Variants in RBM33 observed in about 807,000 individuals in gnomAD.
RBM33 encodes RNA-binding protein 33.
RBM33 carries 28 observed loss-of-function variants against 132.6 expected under a neutral mutation model. That is an observed-to-expected ratio of 0.21 (90% CI 0.16 to 0.29). The LOEUF (loss-of-function observed/expected upper bound fraction) is 0.29, where lower values mean the gene tolerates loss of function less well. Among genes scored for constraint, RBM33 ranks in the 10% least tolerant of loss-of-function variants. The pLI is 1.00. For missense variants in RBM33, 1,291 were observed against 1,518.5 expected (o/e 0.85, Z 2.49); for synonymous variants, 634 against 593.0 (o/e 1.07, Z -1.01).
At chr7:155,704,741 C>G (rs1287008277) in intron 6 of RBM33, among the ~76,000 whole-genome samples, 2 of 152,062 alleles carry the variant, frequency 1.3e-5, no homozygotes, top group African/African-American at 4.8e-5. Flanking sequence ...GTTACATGTT[C>G]TTTTTTATTG....
rs562331343 is a variant in RBM33 at position 155,736,474 on chromosome 7, G to A, written c.1261-1056G>A. Among the ~76,000 whole-genome samples, 5 of 152,238 alleles carry A rather than the reference G, an allele frequency of 3.3e-5. No individual in the cohort carries two copies. In the South Asian group the frequency reaches 6.2e-4, roughly 19 times the overall value. Reference sequence around the variant, plus strand: ...TTTATGCTGCTGCCTAGGTCAATACGGTGGTTTAAAAAAATCTCCATGAAT... The same window carrying A: ...TTTATGCTGCTGCCTAGGTCAATACAGTGGTTTAAAAAAATCTCCATGAAT... On this transcript the variant is annotated intron_variant, in intron 9 of 17. Coordinates refer to ENST00000401878, the MANE Select transcript of RBM33 (RefSeq NM_053043.3).
intron 14 of RBM33, among the ~76,000 whole-genome samples, chr7:155,748,864 T>C (rs1222850006): frequency 6.6e-6 from 1 of 152,210 alleles, no homozygotes; most frequent in African/African-American, 2.4e-5. Context: ...CTTACACGAT[T>C]GTGTTGACTA....
At chr7:155,658,104 A>G (rs902968392) in intron 1 of RBM33, among the ~76,000 whole-genome samples, 4 of 151,918 alleles carry the variant, frequency 2.6e-5, no homozygotes, top group Non-Finnish European at 5.9e-5. Flanking sequence ...TTCTCCCTTC[A>G]TTTTTGTCAA....
chr7:155,648,503 C>T (rs6962301), intron 1 of RBM33, among the ~76,000 whole-genome samples: 5,701 of 152,114 alleles, frequency 0.037, 352 homozygotes, highest in African/African-American at 0.13. Context: ...GAAAGTGAAA[C>T]AAGTTTTAGT....
intron 9 of RBM33, among the ~76,000 whole-genome samples, chr7:155,733,698 G>C (rs1364167301): frequency 6.6e-6 from 1 of 152,216 alleles, no homozygotes; most frequent in African/African-American, 2.4e-5. Context: ...GTCAGTCACT[G>C]TACGGTAGGG....
rs769855958 is a variant in RBM33 at position 155,711,268 on chromosome 7, G to A, written c.1014G>A (p.Pro338=). The A allele has an allele frequency of 1.1e-5, 18 of 1,600,230 alleles. No homozygotes were observed. The highest frequency in any genetic ancestry group is 5.6e-5 in the South Asian group (5 of 89,372). ...QQQPIRSLFQ[P]QPLQPLLPVQ... ...AGCCGATCAGAAGCCTGTTCCAGCC[G>A]CAGCCGCTGCAGCCGCTGCTTCCGG... The change falls in exon 8 of 18, where the codon CCG becomes CCA. Residue 338 remains proline (P), a synonymous_variant. Coordinates refer to ENST00000401878, the MANE Select transcript of RBM33 (RefSeq NM_053043.3).
intron 9 of RBM33, among the ~76,000 whole-genome samples, chr7:155,724,039 C>A (rs1282298097): frequency 6.6e-6 from 1 of 152,150 alleles, no homozygotes; most frequent in African/African-American, 2.4e-5. Flanking sequence ...ATAATTTAGC[C>A]TGTGAAATGT....
chr7:155,703,314 G>A (rs920369401), intron 6 of RBM33, among the ~76,000 whole-genome samples: 1 of 152,182 alleles, frequency 6.6e-6, no homozygotes, highest in African/African-American at 2.4e-5. Flanking sequence ...GGGACAAGAA[G>A]CTGGAAAGGT....
At chr7:155,679,101 G>A (rs1799263474) in intron 4 of RBM33, among the ~76,000 whole-genome samples, 1 of 152,192 alleles carries the variant, frequency 6.6e-6, no homozygotes, top group Non-Finnish European at 1.5e-5. Flanking sequence ...GATCCACAGA[G>A]GTGGAGGTTG....
intron 14 of RBM33, among the ~76,000 whole-genome samples, chr7:155,760,643 C>T (rs1012440549): frequency 2.0e-5 from 3 of 152,144 alleles, no homozygotes; most frequent in Non-Finnish European, 4.4e-5. Flanking sequence ...GTCACTGGTT[C>T]TCATGAAAGA....
chr7:155,737,388 GAA>G, intron 9 of RBM33, 140 bp from the exon 10 acceptor site: 1 of 547,800 alleles, frequency 1.8e-6, no homozygotes, highest in Non-Finnish European at 2.8e-6. Context: ...TGTGTGTGTA[GAA>G]AGAGAAAGAC....
intron 5 of RBM33, chr7:155,685,101 C>T (rs1332028300): frequency 5.2e-6 from 8 of 1,532,592 alleles, no homozygotes; most frequent in African/African-American, 1.4e-5. Context: ...GTTTCCCTCC[C>T]CCAGACTTAA....
At chr7:155,708,820 C>G (rs966441500) in intron 7 of RBM33, among the ~76,000 whole-genome samples, 1 of 152,192 alleles carries the variant, frequency 6.6e-6, no homozygotes, top group Non-Finnish European at 1.5e-5. Flanking sequence ...TTTCTCCATC[C>G]TATTCACTCC....
chr7:155,662,674 C>A (rs1798684741), intron 1 of RBM33, among the ~76,000 whole-genome samples: 1 of 152,148 alleles, frequency 6.6e-6, no homozygotes, highest in Admixed American at 6.5e-5. Context: ...TGGTGTGGGA[C>A]CCCCAGCCCT....
intron 6 of RBM33, 122 bp downstream of exon 6, chr7:155,701,066 G>T: frequency 1.2e-6 from 1 of 821,690 alleles, no homozygotes; most frequent in Non-Finnish European, 2.1e-6. Context: ...GCCGTCCGGA[G>T]AGTGGCCGGA....
At chr7:155,694,862 A>T (rs1022402352) in intron 5 of RBM33, among the ~76,000 whole-genome samples, 1 of 152,184 alleles carries the variant, frequency 6.6e-6, no homozygotes, top group South Asian at 2.1e-4. Flanking sequence ...TACTAAAAGG[A>T]TCATATTACC....
chr7:155,663,042 T>C (rs1798698692), intron 1 of RBM33, among the ~76,000 whole-genome samples: 1 of 152,212 alleles, frequency 6.6e-6, no homozygotes, highest in Admixed American at 6.5e-5. Context: ...TGTATGTCCT[T>C]AGAATTATTC....
rs1585456637 is a variant in RBM33 at position 155,700,912 on chromosome 7, C to T, written c.707C>T (p.Thr236Ile). Residue 236 changes from threonine (T) to isoleucine (I), a missense_variant, in exon 6 of 18, where the codon ACT (threonine) becomes ATT (isoleucine). By Grantham distance (89) the Thr-to-Ile change is moderately conservative. Coordinates refer to ENST00000401878, the MANE Select transcript of RBM33 (RefSeq NM_053043.3). ...ACAATTATTAGGCTCTCAGATGTAA[C>T]TAGAGAGAGAAGGAACATTCCAGAA... ...EGTIIRLSDV[T>I]RERRNIPETL... The T allele has an allele frequency of 6.2e-7, 1 of 1,613,014 alleles. No individual in the cohort carries two copies. Among genetic ancestry groups the T allele is most frequent in the East Asian group, 2.2e-5 (1 of 44,862 alleles).
intron 11 of RBM33, chr7:155,739,461 TTGTC>T (rs1210342672): frequency 2.0e-5 from 10 of 500,836 alleles, no homozygotes; most frequent in African/African-American, 3.9e-5. Flanking sequence ...AGTTATGAGT[TTGTC>T]TGCATACCTA....
Sources: gnomAD v4.1 joint callset for allele counts (sites outside exome capture counted in the v4.1 genomes callset) on GRCh38, gnomAD v4.1.1 for gene constraint, MANE v1.5 for transcripts, NCBI Gene and HGNC (gene_info 2026-07-23, HGNC 2026-07-21) for gene names.